The following COL4A4 variants were observed in gnomAD, a reference collection of about 807,000 sequenced individuals.
COL4A4 encodes the protein collagen type IV alpha 4 chain.
A neutral mutation model predicts 192.9 loss-of-function variants in COL4A4; 105 were observed. The observed-to-expected ratio is 0.54, with a 90% CI of 0.46 to 0.64. COL4A4 has a LOEUF of 0.64. COL4A4 is among the 30% of genes least tolerant of loss of function. COL4A4 has a pLI of 0.00. For synonymous variants in COL4A4, 762 were observed against 769.9 expected (o/e 0.99, Z 0.17); for missense variants, 1,967 against 2,169.3 (o/e 0.91, Z 1.85).
At chr2:227,086,442 T>C (rs1425471496) in intron 22 of COL4A4, among the ~76,000 whole-genome samples, 1 of 151,794 alleles carries the variant, frequency 6.6e-6, no homozygotes, top group African/African-American at 2.4e-5. Context: ...CCTTTTCTTC[T>C]CTCTCTTCCC....
intron 25 of COL4A4, among the ~76,000 whole-genome samples, chr2:227,066,975 T>C (rs1192917180): frequency 6.8e-6 from 1 of 146,900 alleles, no homozygotes; most frequent in Non-Finnish European, 1.5e-5. Flanking sequence ...CAAACCCATC[T>C]CACGTGCAGA....
intron 8 of COL4A4, among the ~76,000 whole-genome samples, chr2:227,112,916 A>G (rs2061298635): frequency 6.6e-6 from 1 of 152,216 alleles, no homozygotes; most frequent in Non-Finnish European, 1.5e-5. Context: ...AAGCTTTTAC[A>G]GTCTTCCTTT....
At chr2:227,052,498 C>T (rs963545240) in intron 31 of COL4A4, 86 bp from the exon 32 acceptor site, 1 of 806,944 alleles carries the variant, frequency 1.2e-6, no homozygotes, top group Middle Eastern at 2.4e-4. Context: ...TCCCAAATCG[C>T]AAATTCCCAC....
rs117889350 is a variant in COL4A4, at chr2:227,024,542, T to C, written c.4090+1260A>G. 1.9e-3 allele frequency among the ~76,000 whole-genome samples: 294 copies of C among 152,336 alleles called. 7 individuals carry two copies. The East Asian group carries it at 0.051, about 26-fold the overall frequency. On this transcript the variant is annotated intron_variant, in intron 43 of 47. Transcript: ENST00000396625. ...ATCATCTGATTAGCTATGGTGTTCTTCAAATGTATGCAAAAGTGTGAAATA... is the reference window on the plus strand; with the variant it reads ...ATCATCTGATTAGCTATGGTGTTCTCCAAATGTATGCAAAAGTGTGAAATA...
At chr2:227,040,345 C>A (rs926799954) in intron 37 of COL4A4, among the ~76,000 whole-genome samples, 1 of 152,136 alleles carries the variant, frequency 6.6e-6, no homozygotes, top group African/African-American at 2.4e-5. Flanking sequence ...AGGACTGCAA[C>A]CTCATATCTA....
At position 227,043,103 on chromosome 2, in the gene COL4A4, C is replaced by A; in HGVS notation, c.3371G>T (p.Gly1124Val). 1.2e-6 allele frequency: 2 copies of A among 1,613,718 alleles called. No individual in the cohort carries two copies. The highest frequency in any genetic ancestry group is 1.7e-6 in the Non-Finnish European group (2 of 1,179,948). Residue 1124 changes from glycine to valine, a missense_variant, in exon 36 of 48, where the codon GGC (glycine) becomes GTC (valine). Coordinates refer to ENST00000396625, the MANE Select transcript of COL4A4 (RefSeq NM_000092.5). ...RGSPGRPGPP[G>V]SSGPPGCPGD... is the part of the protein sequence containing the mutation. ...TGGGCACCCTGGTGGTCCAGAGGAG[C>A]CAGGTGGCCCTGGCCTTCCAGGTGA...
the COL4A4 span, among the ~76,000 whole-genome samples, chr2:226,973,821 C>T: frequency 6.6e-6 from 1 of 152,158 alleles, no homozygotes; most frequent in African/African-American, 2.4e-5. Flanking sequence ...TTCCTGTGAG[C>T]GTTAGAACAA....
chr2:227,025,765 AGT>A (rs779095935), intron 43 of COL4A4, 35 bp downstream of exon 43: 5 of 1,592,614 alleles, frequency 3.1e-6, no homozygotes, highest in Non-Finnish European at 4.3e-6. Context: ...TAGAAACCAG[AGT>A]GAGGGGAAAT....
At chr2:227,137,672 G>A (rs1411170298) in intron 4 of COL4A4, among the ~76,000 whole-genome samples, 1 of 152,096 alleles carries the variant, frequency 6.6e-6, no homozygotes, top group Non-Finnish European at 1.5e-5. Context: ...CCCCTTTTCT[G>A]CTAAAACAAC....
chr2:227,029,427 C>A (rs994935883), intron 41 of COL4A4, among the ~76,000 whole-genome samples: 3 of 152,216 alleles, frequency 2.0e-5, no homozygotes, highest in Admixed American at 2.0e-4. Flanking sequence ...TACAGATGAA[C>A]AGGCTTGCTC....
chr2:227,053,535 T>G (rs1974591573), intron 31 of COL4A4, among the ~76,000 whole-genome samples: 1 of 138,356 alleles, frequency 7.2e-6, no homozygotes, highest in Admixed American at 7.9e-5. Flanking sequence ...AAACATTTTT[T>G]TCTTTTTCTT....
chr2:227,062,660 T>C (rs1977431745), intron 25 of COL4A4, 62 bp from the exon 26 acceptor site: 2 of 1,136,282 alleles, frequency 1.8e-6, no homozygotes, highest in South Asian at 1.2e-5. Flanking sequence ...TGTGAGTCTG[T>C]CTCAATGACA....
intron 12 of COL4A4, among the ~76,000 whole-genome samples, chr2:227,106,520 T>A (rs930536690): frequency 6.6e-6 from 1 of 152,028 alleles, no homozygotes; most frequent in African/African-American, 2.4e-5. Context: ...TGGGCAAACA[T>A]GCTCTAGAAC....
the COL4A4 span, among the ~76,000 whole-genome samples, chr2:226,975,303 C>T: frequency 1.3e-5 from 2 of 152,070 alleles, no homozygotes; most frequent in Admixed American, 6.6e-5. Flanking sequence ...ACACACACAT[C>T]TATAAATACA....
At chr2:227,016,537 G>T (rs1246988974) in intron 44 of COL4A4, among the ~76,000 whole-genome samples, 2 of 152,134 alleles carry the variant, frequency 1.3e-5, no homozygotes, top group African/African-American at 2.4e-5. Flanking sequence ...TTGAGTGGTC[G>T]CAGCAAAGAT....
chr2:227,049,930 ACTGT>A (rs1973712377), intron 34 of COL4A4, 134 bp downstream of exon 34: 1 of 777,440 alleles, frequency 1.3e-6, no homozygotes, highest in East Asian at 2.5e-5. Flanking sequence ...TGAGTGTTTG[ACTGT>A]CTAACAAGAG....
chr2:227,098,819 T>C lies in COL4A4; in HGVS notation c.1100-21A>G, dbSNP rs747966871. ...TGGGCCTGCCAAAGATAATGGTACA[T>C]GAGAATAAACAAATGGTATGTGCAT... On this transcript the variant is annotated intron_variant, in intron 18 of 47. Coordinates refer to ENST00000396625, the MANE Select transcript of COL4A4 (RefSeq NM_000092.5). 7 of 1,575,912 alleles carry C rather than the reference T, an allele frequency of 4.4e-6. No individual in the cohort carries two copies. The South Asian group carries it at 7.8e-5, about 17-fold the overall frequency.
chr2:227,140,016 T>C (rs2063092680), intron 4 of COL4A4, 145 bp downstream of exon 4: 2 of 718,306 alleles, frequency 2.8e-6, no homozygotes, highest in East Asian at 2.7e-5. Context: ...AGATTGCTAT[T>C]AGAATGTGAA....
chr2:227,117,124 G>A (rs1002295140), intron 7 of COL4A4, among the ~76,000 whole-genome samples: 3 of 152,166 alleles, frequency 2.0e-5, no homozygotes, highest in Admixed American at 6.5e-5. Flanking sequence ...TTCTTTGCGT[G>A]GTTTTTAGCT....
Sources: allele counts gnomAD v4.1 joint callset (sites outside exome capture counted in the v4.1 genomes callset), GRCh38; gene constraint gnomAD v4.1.1; transcripts MANE v1.5; gene names NCBI Gene and HGNC (gene_info 2026-07-23, HGNC 2026-07-21).